The following DGKB variants were observed in gnomAD, a reference collection of about 807,000 sequenced individuals.
The protein encoded by DGKB is 90 kDa diacylglycerol kinase.
DGKB carries 67 observed loss-of-function variants against 114.3 expected under a neutral mutation model. The observed-to-expected ratio is 0.59, with a 90% CI of 0.48 to 0.72. The LOEUF (loss-of-function observed/expected upper bound fraction) is 0.72. DGKB is among the 30% of genes least tolerant of loss of function. DGKB has a pLI of 0.00. For missense variants in DGKB, 907 were observed against 975.2 expected, an observed-to-expected ratio of 0.93 and a Z score of 0.93; for synonymous variants, 398 against 323.1, an observed-to-expected ratio of 1.23 and a Z score of -2.49.
intron 1 of DGKB, among the ~76,000 whole-genome samples, chr7:14,954,160 A>G (rs901409068): frequency 6.6e-6 from 1 of 152,082 alleles, no homozygotes; most frequent in Non-Finnish European, 1.5e-5. Context: ...GCCTAAGTCA[A>G]TAACCTTGAC....
chr7:14,645,077 A>C (rs1268154014), intron 13 of DGKB, among the ~76,000 whole-genome samples: 1 of 152,130 alleles, frequency 6.6e-6, no homozygotes, highest in African/African-American at 2.4e-5. Flanking sequence ...CTTCTGAATG[A>C]TGCCTTTTAA....
At chr7:14,448,979 AGTG>A (rs1224515863) in intron 21 of DGKB, among the ~76,000 whole-genome samples, 30 of 152,124 alleles carry the variant, frequency 2.0e-4, no homozygotes, top group Admixed American at 1.8e-3. Flanking sequence ...TTTAAACCAG[AGTG>A]GTGGCTGTAG....
At chr7:14,894,135 A>T (rs1781731792) in intron 1 of DGKB, among the ~76,000 whole-genome samples, 1 of 151,384 alleles carries the variant, frequency 6.6e-6, no homozygotes, top group Non-Finnish European at 1.5e-5. Context: ...AGTTTATACT[A>T]AATCCTGTTT....
chr7:14,932,339 T>C (rs752613724), intron 1 of DGKB, among the ~76,000 whole-genome samples: 24 of 152,166 alleles, frequency 1.6e-4, no homozygotes, highest in Non-Finnish European at 3.2e-4. Flanking sequence ...GTTTGCTCTT[T>C]GATAATGTAT....
chr7:14,528,789 T>C (rs28463334), intron 20 of DGKB, among the ~76,000 whole-genome samples: 8,332 of 152,106 alleles, frequency 0.055, 608 homozygotes, highest in African/African-American at 0.16. Flanking sequence ...GTACCTTAAA[T>C]TAGAATTTCT....
At chr7:14,613,662 G>C (rs1471705088) in intron 15 of DGKB, among the ~76,000 whole-genome samples, 1 of 151,570 alleles carries the variant, frequency 6.6e-6, no homozygotes, top group African/African-American at 2.4e-5. Context: ...CCGAGGGGAA[G>C]GCAGTCAGGA....
At chr7:14,787,403 T>A (rs1350715767) in intron 2 of DGKB, among the ~76,000 whole-genome samples, 1 of 152,150 alleles carries the variant, frequency 6.6e-6, no homozygotes, top group African/African-American at 2.4e-5. Flanking sequence ...AGCCTTTTAA[T>A]CTAAAACACT....
intron 21 of DGKB, among the ~76,000 whole-genome samples, chr7:14,359,325 G>C (rs1815234989): frequency 6.6e-6 from 1 of 152,200 alleles, no homozygotes; most frequent in African/African-American, 2.4e-5. Flanking sequence ...ATTCAAGATG[G>C]ATTAAAGACT....
chr7:14,930,168 C>T (rs1192765456), intron 1 of DGKB, among the ~76,000 whole-genome samples: 1 of 152,016 alleles, frequency 6.6e-6, no homozygotes, highest in Non-Finnish European at 1.5e-5. Flanking sequence ...ATTCCTCCAG[C>T]TTTGTTCTTT....
At chr7:14,511,862 A>C (rs1010443734) in intron 20 of DGKB, among the ~76,000 whole-genome samples, 6 of 152,096 alleles carry the variant, frequency 3.9e-5, no homozygotes, top group African/African-American at 1.2e-4. Flanking sequence ...AAGGCGAAAC[A>C]GAGGAATGGC....
chr7:14,451,199 A>C (rs529220024), intron 21 of DGKB, among the ~76,000 whole-genome samples: 1 of 152,110 alleles, frequency 6.6e-6, no homozygotes, highest in Non-Finnish European at 1.5e-5. Flanking sequence ...GAAGGTGTCT[A>C]TGAATGAGAT....
At chr7:14,537,605 A>C (rs1442858247) in intron 20 of DGKB, among the ~76,000 whole-genome samples, 4 of 152,192 alleles carry the variant, frequency 2.6e-5, no homozygotes, top group African/African-American at 4.8e-5. Context: ...GAAATCAGAC[A>C]CTTATCCCAT....
chr7:14,580,774 C>T (rs552836107), intron 19 of DGKB, 88 bp downstream of exon 19: 6 of 877,200 alleles, frequency 6.8e-6, no homozygotes, highest in East Asian at 2.5e-5. Flanking sequence ...GAAATCATAT[C>T]GTTTTTGTTT....
At chr7:14,957,748 T>G (rs906277794) in intron 1 of DGKB, among the ~76,000 whole-genome samples, 1 of 152,074 alleles carries the variant, frequency 6.6e-6, no homozygotes, top group African/African-American at 2.4e-5. Context: ...TATTTATTAC[T>G]TTTTTCATGG....
chr7:14,768,040 A>G (rs1836731827), intron 2 of DGKB, among the ~76,000 whole-genome samples: 1 of 151,976 alleles, frequency 6.6e-6, no homozygotes, highest in Admixed American at 6.6e-5. Flanking sequence ...AACAAACACA[A>G]TATTAGGCAA....
At chr7:14,271,978 T>A (rs139853030) in intron 23 of DGKB, among the ~76,000 whole-genome samples, 2 of 152,336 alleles carry the variant, frequency 1.3e-5, no homozygotes, top group East Asian at 3.9e-4. Context: ...ATTCACACAA[T>A]AATTGTACCA....
At chr7:14,429,859 G>A (rs181266431) in intron 21 of DGKB, among the ~76,000 whole-genome samples, 8 of 152,160 alleles carry the variant, frequency 5.3e-5, no homozygotes, top group Non-Finnish European at 8.8e-5. Flanking sequence ...CCCGGAAGGC[G>A]GAGGTTGTAG....
chr7:14,757,098 T>C (rs1400389073), intron 3 of DGKB, among the ~76,000 whole-genome samples: 2 of 152,008 alleles, frequency 1.3e-5, no homozygotes. Context: ...AAAAAATTCC[T>C]CCCTTTTTGT....
chr7:14,695,397 G>C (rs116478579), intron 8 of DGKB, among the ~76,000 whole-genome samples: 1 of 150,886 alleles, frequency 6.6e-6, no homozygotes, highest in Non-Finnish European at 1.5e-5. Context: ...ACTGAGTGTA[G>C]AGCCTGAGTT....
Sources: allele counts gnomAD v4.1 joint callset (sites outside exome capture counted in the v4.1 genomes callset), GRCh38; gene constraint gnomAD v4.1.1; transcripts MANE v1.5; gene names NCBI Gene and HGNC (gene_info 2026-07-23, HGNC 2026-07-21).